Variants in DNAH3 observed in about 807,000 individuals in gnomAD.
DNAH3 encodes the protein axonemal beta dynein heavy chain 3.
In DNAH3, 332 loss-of-function variants were observed where a neutral mutation model predicts 432.5. The ratio of observed to expected loss-of-function variants is 0.77; its 90% CI spans 0.70 to 0.84. DNAH3 has a LOEUF of 0.84. DNAH3 is among the 40% of genes least tolerant of loss of function. The pLI, the probability that DNAH3 is intolerant of heterozygous loss-of-function variation, is 0.00. For synonymous variants in DNAH3, 1,956 were observed against 1,900.2 expected (o/e 1.03, Z -0.76); for missense variants, 4,861 against 5,114.0 (o/e 0.95, Z 1.51).
chr16:21,010,458 C>G (rs1483424795), intron 41 of DNAH3, among the ~76,000 whole-genome samples: 1 of 152,174 alleles, frequency 6.6e-6, no homozygotes, highest in Non-Finnish European at 1.5e-5. Flanking sequence ...AAATTAAGCA[C>G]TTTCGGGACA....
intron 6 of DNAH3, 95 bp downstream of exon 7, chr16:21,136,229 C>T: frequency 1.6e-6 from 2 of 1,252,860 alleles, no homozygotes. Flanking sequence ...GCCTGAGCAA[C>T]AAAGCAAGAC....
chr16:21,111,812 A>C lies in DNAH3; in HGVS notation c.1921-8T>G. The C allele has an allele frequency of 6.2e-7, 1 of 1,611,480 alleles. No individual in the cohort carries two copies. ...CTTTATGGCATTGATCTTCTGCAGA[A>C]AGGAGCACATTCAGTAGCTTGATTT... On this transcript the variant is annotated splice_region_variant and splice_polypyrimidine_tract_variant and intron_variant, in intron 13 of 61. Coordinates refer to ENST00000261383, the Ensembl canonical transcript of DNAH3.
exon 22 of DNAH3, chr16:21,070,801 T>C (rs1474535932): frequency 6.2e-7 from 1 of 1,610,976 alleles, no homozygotes; most frequent in Non-Finnish European, 8.5e-7. Flanking sequence ...TTGAATGTCA[T>C]CAATTGCACA....
intron 1 of DNAH3, among the ~76,000 whole-genome samples, chr16:21,153,009 C>G (rs1048539796): frequency 1.6e-4 from 24 of 152,194 alleles, no homozygotes; most frequent in African/African-American, 5.3e-4. Flanking sequence ...TGGCAGGCAG[C>G]TCCACCTGCA....
chr16:21,139,917 T>C lies in DNAH3; in HGVS notation c.696+619A>G, dbSNP rs374022408. 8.2e-4 allele frequency among the ~76,000 whole-genome samples: 124 copies of C among 151,516 alleles called. 1 individual carries two copies. Among genetic ancestry groups the C allele is most frequent in the African/African-American group, 2.8e-3 (117 of 41,292 alleles). Reference sequence around the variant, plus strand: ...GCCTCAGCCTCCCGAGTAGCTGAAATTACAGGCGCCTGCCACCATGCCTGG... The same window carrying C: ...GCCTCAGCCTCCCGAGTAGCTGAAACTACAGGCGCCTGCCACCATGCCTGG... On this transcript the variant is annotated intron_variant, in intron 5 of 61. Coordinates refer to ENST00000261383, the Ensembl canonical transcript of DNAH3.
At chr16:21,025,840 T>A (rs920130944) in intron 38 of DNAH3, among the ~76,000 whole-genome samples, 7 of 151,906 alleles carry the variant, frequency 4.6e-5, no homozygotes, top group African/African-American at 7.3e-5. Context: ...TTCAAGCAAT[T>A]CTCCTGCCTC....
chr16:21,044,747 G>A (rs1324871946), intron 31 of DNAH3, among the ~76,000 whole-genome samples: 1 of 90,494 alleles, frequency 1.1e-5, no homozygotes, highest in Non-Finnish European at 2.2e-5. Flanking sequence ...TCCCTGTCTT[G>A]TGCCAGTTTT....
intron 1 of DNAH3, among the ~76,000 whole-genome samples, chr16:21,157,026 A>G (rs1010880175): frequency 1.3e-5 from 1 of 75,900 alleles, no homozygotes; most frequent in Non-Finnish European, 2.7e-5. Context: ...CACACACACA[A>G]TCTTTTCCTG....
chr16:20,936,863 C>A lies in DNAH3; in HGVS notation c.11655-10G>T, dbSNP rs781049473. 5.6e-6 allele frequency: 9 copies of A among 1,604,912 alleles called. No homozygotes were observed. In the South Asian group the frequency reaches 1.0e-4, roughly 18 times the overall value. On this transcript the variant is annotated splice_polypyrimidine_tract_variant and intron_variant, in intron 59 of 61. Transcript: ENST00000261383. ...AACCACTTTGGTCAGCCTGCAAGAA[C>A]AGAGGAGCTGGCTGAGCTGGGCTCT...
intron 60 of DNAH3, among the ~76,000 whole-genome samples, chr16:20,936,337 G>A (rs2083588552): frequency 6.6e-6 from 1 of 152,016 alleles, no homozygotes; most frequent in Admixed American, 6.6e-5. Flanking sequence ...GGTATTTTTA[G>A]TAGAGACGGG....
rs1373993006 is a variant in DNAH3, at chr16:21,134,551, TCTCA to T, written c.887-101_887-98del. Reference sequence around the variant, plus strand: ...TTTTGTTTTTAATATAGAGACGGGGTCTCACTAAGTTGGCCAGGCTGGTCTCAAA... The same window carrying T: ...TTTTGTTTTTAATATAGAGACGGGGTCTAAGTTGGCCAGGCTGGTCTCAAA... On this transcript the variant is annotated intron_variant, in intron 6 of 61. Transcript: ENST00000261383. 17 of 1,163,566 alleles carry T rather than the reference TCTCA, an allele frequency of 1.5e-5. No individual in the cohort carries two copies. In the East Asian group the frequency reaches 3.9e-4, roughly 26 times the overall value. The allele number at this position is 1,163,566 out of a possible 1,614,324, so 72.1% of individuals were successfully genotyped here.
intron 41 of DNAH3, among the ~76,000 whole-genome samples, chr16:21,005,146 T>G (rs1233530585): frequency 3.4e-5 from 5 of 145,096 alleles, no homozygotes; most frequent in Non-Finnish European, 7.4e-5. Flanking sequence ...CTTCTTTCTC[T>G]CGTCTCTTTC....
At chr16:20,994,494 A>G (rs1472993854) in intron 44 of DNAH3, among the ~76,000 whole-genome samples, 1 of 152,214 alleles carries the variant, frequency 6.6e-6, no homozygotes, top group Non-Finnish European at 1.5e-5. Flanking sequence ...AAATATATGT[A>G]ACATAAAATT....
intron 48 of DNAH3, 62 bp downstream of exon 48, chr16:20,984,987 G>A: frequency 1.5e-6 from 2 of 1,377,176 alleles, no homozygotes; most frequent in Non-Finnish European, 2.0e-6. Flanking sequence ...CCTGCTCAGG[G>A]CACTCAGAAG....
chr16:20,979,172 G>A (rs2085737251), intron 50 of DNAH3, among the ~76,000 whole-genome samples, 158 bp downstream of exon 50: 1 of 152,148 alleles, frequency 6.6e-6, no homozygotes, highest in Non-Finnish European at 1.5e-5. Flanking sequence ...ATCCCACAGG[G>A]CAGGGATTAC....
intron 39 of DNAH3, 56 bp from the exon 40 acceptor site, chr16:21,022,156 A>C: frequency 6.3e-7 from 1 of 1,596,092 alleles, no homozygotes; most frequent in Non-Finnish European, 8.6e-7. Flanking sequence ...TGAGTTGACG[A>C]CCAAGAGCTT....
At chr16:20,963,717 C>T (rs201349145) in exon 53 of DNAH3, 2 of 1,613,902 alleles carry the variant, frequency 1.2e-6, no homozygotes, top group African/African-American at 1.3e-5. Flanking sequence ...ACACCTCCTC[C>T]GTAATTTCCT....
intron 7 of DNAH3, among the ~76,000 whole-genome samples, chr16:21,128,587 C>T (rs1418065976): frequency 5.3e-5 from 8 of 151,566 alleles, no homozygotes; most frequent in East Asian, 1.9e-4. Flanking sequence ...CCCAACCACC[C>T]GGGAGGCTGA....
intron 51 of DNAH3, among the ~76,000 whole-genome samples, chr16:20,974,205 G>A (rs1567559435): frequency 1.3e-5 from 2 of 151,612 alleles, no homozygotes; most frequent in South Asian, 4.2e-4. Flanking sequence ...TACATTTTTT[G>A]TAGAGATGGG....
Sources: allele counts gnomAD v4.1 joint callset (sites outside exome capture counted in the v4.1 genomes callset), GRCh38; gene constraint gnomAD v4.1.1; transcripts MANE v1.5; gene names NCBI Gene and HGNC (gene_info 2026-07-23, HGNC 2026-07-21).